Variants in ADCY9 observed in about 807,000 individuals in gnomAD.
The protein encoded by ADCY9 is adenylate cyclase type 9.
ADCY9 carries 50 observed loss-of-function variants against 101.5 expected under a neutral mutation model. The ratio of observed to expected loss-of-function variants is 0.49; its 90% confidence interval spans 0.39 to 0.62. ADCY9 has a LOEUF of 0.62. Among genes scored for constraint, ADCY9 ranks in the 20% least tolerant of loss-of-function variants. The pLI is 0.00. For missense variants in ADCY9, 1,662 were observed against 1,800.4 expected, an observed-to-expected ratio of 0.92 and a Z score of 1.39; for synonymous variants, 905 against 769.3, an observed-to-expected ratio of 1.18 and a Z score of -2.92.
chr16:4,098,870 C>A (rs530086110), intron 2 of ADCY9, among the ~76,000 whole-genome samples: 1 of 151,996 alleles, frequency 6.6e-6, no homozygotes, highest in African/African-American at 2.4e-5. Flanking sequence ...CCTCAGTCTG[C>A]AAACAGGTCA....
intron 2 of ADCY9, among the ~76,000 whole-genome samples, chr16:4,087,620 G>A (rs2056947666): frequency 6.6e-6 from 1 of 151,340 alleles, no homozygotes; most frequent in South Asian, 2.1e-4. Context: ...TTCAGGGAGG[G>A]CACTGAGTCT....
chr16:3,957,232 G>A (rs1247927701), intron 5 of ADCY9, among the ~76,000 whole-genome samples: 1 of 152,178 alleles, frequency 6.6e-6, no homozygotes, highest in African/African-American at 2.4e-5. Flanking sequence ...TAGAACCTGG[G>A]CTTTCTAACC....
intron 5 of ADCY9, among the ~76,000 whole-genome samples, chr16:3,990,003 T>C (rs2056231488): frequency 6.6e-6 from 1 of 152,206 alleles, no homozygotes; most frequent in South Asian, 2.1e-4. Flanking sequence ...AGCAGGGAAA[T>C]CAACCCCGCT....
chr16:3,974,299 C>T (rs1481395296), intron 10 of ADCY9, among the ~76,000 whole-genome samples: 1 of 152,236 alleles, frequency 6.6e-6, no homozygotes, highest in East Asian at 1.9e-4. Flanking sequence ...CCGCCTCGGC[C>T]TCCCAAAATG....
chr16:4,056,688 G>A (rs2056739955), intron 2 of ADCY9, among the ~76,000 whole-genome samples: 1 of 152,210 alleles, frequency 6.6e-6, no homozygotes, highest in African/African-American at 2.4e-5. Flanking sequence ...GGGCAGAAAT[G>A]ACTGACACTC....
At chr16:3,968,853 TTC>T (rs2056022260) in intron 10 of ADCY9, among the ~76,000 whole-genome samples, 1 of 152,222 alleles carries the variant, frequency 6.6e-6, no homozygotes, top group South Asian at 2.1e-4. Flanking sequence ...GCTTTTTTTT[TTC>T]TTTTTTTTGA....
chr16:3,969,333 C>T (rs994325956), intron 10 of ADCY9, among the ~76,000 whole-genome samples: 1 of 151,192 alleles, frequency 6.6e-6, no homozygotes, highest in African/African-American at 2.4e-5. Context: ...CTGCAACCTC[C>T]ACCTCCTGGG....
intron 2 of ADCY9, among the ~76,000 whole-genome samples, chr16:4,090,934 T>C (rs1367980698): frequency 6.6e-6 from 1 of 151,996 alleles, no homozygotes; most frequent in African/African-American, 2.4e-5. Flanking sequence ...AACAAAGTAA[T>C]TATTTCAATC....
At position 4,076,885 on chromosome 16, in the gene ADCY9, T is replaced by G. The variant is rs13331972; in HGVS notation, c.1693+36865A>C. Among the ~76,000 whole-genome samples, 558 of 152,088 alleles carry G rather than the reference T, an allele frequency of 3.7e-3. 5 individuals carry two copies. Among genetic ancestry groups the G allele is most frequent in the African/African-American group, 0.013 (534 of 41,486 alleles). On this transcript the variant is annotated intron_variant, in intron 2 of 10. Coordinates refer to ENST00000294016, the MANE Select transcript of ADCY9 (RefSeq NM_001116.4). Reference sequence around the variant, plus strand: ...TGAGGTGAGGAGTCCGAGACCAGCTTGGCCAACATGGTGAAACCCCGTCTC... The same window carrying G: ...TGAGGTGAGGAGTCCGAGACCAGCTGGGCCAACATGGTGAAACCCCGTCTC...
intron 5 of ADCY9, among the ~76,000 whole-genome samples, chr16:3,991,563 C>T (rs532526695): frequency 6.6e-6 from 1 of 152,140 alleles, no homozygotes; most frequent in African/African-American, 2.4e-5. Context: ...GAGTTCGAGA[C>T]CCGCCTGGCC....
chr16:4,073,243 C>A (rs1456267508), intron 2 of ADCY9, among the ~76,000 whole-genome samples: 1 of 151,382 alleles, frequency 6.6e-6, no homozygotes, highest in African/African-American at 2.4e-5. Flanking sequence ...TACAGGCATG[C>A]GCCACCATGC....
intron 3 of ADCY9, among the ~76,000 whole-genome samples, chr16:4,003,171 T>A (rs930987699): frequency 2.6e-5 from 4 of 152,068 alleles, no homozygotes. Context: ...GCACACATGC[T>A]CCCGTGTCAT....
At chr16:4,092,127 A>G (rs2056977266) in intron 2 of ADCY9, among the ~76,000 whole-genome samples, 1 of 152,140 alleles carries the variant, frequency 6.6e-6, no homozygotes, top group South Asian at 2.1e-4. Flanking sequence ...AAAATTAGAC[A>G]GGTGTGGTGG....
At chr16:4,034,963 A>C (rs1407068399) in intron 2 of ADCY9, among the ~76,000 whole-genome samples, 2 of 152,230 alleles carry the variant, frequency 1.3e-5, no homozygotes, top group Non-Finnish European at 2.9e-5. Flanking sequence ...TTCCAGCAAC[A>C]AAAACACATC....
chr16:3,986,236 G>A (rs762976614), intron 6 of ADCY9, among the ~76,000 whole-genome samples: 8 of 152,176 alleles, frequency 5.3e-5, no homozygotes, highest in African/African-American at 7.2e-5. Context: ...TGGGATGCTC[G>A]GCTAAGAACG....
chr16:4,017,643 CAAAA>C (rs60693958), intron 2 of ADCY9, among the ~76,000 whole-genome samples: 1 of 87,258 alleles, frequency 1.1e-5, no homozygotes, highest in Non-Finnish European at 2.5e-5. Context: ...AACTCCTTCT[CAAAA>C]AAAAAAAAAA....
At chr16:4,003,255 C>G (rs899681944) in intron 3 of ADCY9, among the ~76,000 whole-genome samples, 3 of 152,192 alleles carry the variant, frequency 2.0e-5, no homozygotes, top group Admixed American at 1.3e-4. Flanking sequence ...GAGAATCTCC[C>G]TCGAATCGGA....
At chr16:4,070,667 G>A (rs1024107730) in intron 2 of ADCY9, among the ~76,000 whole-genome samples, 2 of 151,830 alleles carry the variant, frequency 1.3e-5, no homozygotes, top group African/African-American at 4.8e-5. Context: ...AGAAAAAAGC[G>A]AAGTGCAGTG....
intron 2 of ADCY9, among the ~76,000 whole-genome samples, chr16:4,028,651 A>C (rs1483518913): frequency 6.6e-6 from 1 of 152,226 alleles, no homozygotes; most frequent in African/African-American, 2.4e-5. Context: ...AAATGTTCTA[A>C]AACCAGATGA....
Sources: gnomAD v4.1 joint callset for allele counts (sites outside exome capture counted in the v4.1 genomes callset) on GRCh38, gnomAD v4.1.1 for gene constraint, MANE v1.5 for transcripts, NCBI Gene and HGNC (gene_info 2026-07-23, HGNC 2026-07-21) for gene names.